Variants in STRN4 observed in about 807,000 individuals in gnomAD.
The protein encoded by STRN4 is striatin-4.
A neutral mutation model predicts 77.9 loss-of-function variants in STRN4; 27 were observed. The ratio of observed to expected loss-of-function variants is 0.35; its 90% CI spans 0.26 to 0.48. STRN4 has a LOEUF of 0.48. Among genes scored for constraint, STRN4 ranks in the 20% least tolerant of loss-of-function variants. STRN4 has a pLI of 0.99. For synonymous variants in STRN4, 466 were observed against 443.1 expected, an observed-to-expected ratio of 1.05 and a Z score of -0.65; for missense variants, 798 against 1,049.7, an observed-to-expected ratio of 0.76 and a Z score of 3.31.
chr19:46,735,856 A>C (rs941771545), intron 4 of STRN4, among the ~76,000 whole-genome samples: 2 of 151,062 alleles, frequency 1.3e-5, no homozygotes, highest in Non-Finnish European at 3.0e-5. Context: ...CCCAGCTACT[A>C]GGGAGGCTGA....
intron 3 of STRN4, among the ~76,000 whole-genome samples, chr19:46,737,138 T>C (rs2054383137): frequency 6.6e-6 from 1 of 152,132 alleles, no homozygotes; most frequent in Admixed American, 6.5e-5. Context: ...CCCGACAAGA[T>C]AAGGGTGTTA....
rs2053939046 is a variant in STRN4, at chr19:46,719,980, C to G, written c.*425G>C. 1 of 152,242 alleles carries G rather than the reference C, an allele frequency of 6.6e-6. No individual in the cohort carries two copies. The highest frequency in any genetic ancestry group is 1.5e-5 in the Non-Finnish European group (1 of 68,090). 9.4% of individuals were successfully genotyped at this position (152,242 alleles called of 1,614,324 possible). ...CTGAGGCTCCCGGCTGCCACCCTTT[C>G]TCCCAGCACAGCTCCTGCCCAGGTC... On this transcript the variant is annotated 3_prime_UTR_variant, in exon 18 of 18. Coordinates refer to ENST00000263280, the MANE Select transcript of STRN4 (RefSeq NM_013403.3).
In STRN4 at chr19:46,723,030, A is replaced by T; in HGVS notation, c.1766-80T>A. 1 of 1,593,902 alleles carries T rather than the reference A, an allele frequency of 6.3e-7. No individual in the cohort carries two copies. The highest frequency in any genetic ancestry group is 1.7e-4 in the Middle Eastern group (1 of 6,014). Reference sequence around the variant, plus strand: ...CCCAGGGTGGGGGACAGTGGGTGGGAGGCCTGGGGCCTCAGCAGGAACCAC... The same window carrying T: ...CCCAGGGTGGGGGACAGTGGGTGGGTGGCCTGGGGCCTCAGCAGGAACCAC... On this transcript the variant is annotated intron_variant, in intron 13 of 17. Coordinates refer to ENST00000263280, the MANE Select transcript of STRN4 (RefSeq NM_013403.3). This position sits in a 1 kb window ranked among gnomAD's most constrained non-coding sequence, Gnocchi z 5.5.
intron 1 of STRN4, among the ~76,000 whole-genome samples, chr19:46,740,563 C>T (rs2054455675): frequency 6.6e-6 from 1 of 152,016 alleles, no homozygotes. Flanking sequence ...GAAGACAAGT[C>T]CTGACTTTCC....
intron 11 of STRN4, 82 bp downstream of exon 11, chr19:46,725,250 C>T: frequency 6.3e-7 from 1 of 1,592,948 alleles, no homozygotes. Context: ...CTGCCGTGGG[C>T]CTCCCGCGAT....
chr19:46,729,585 T>C (rs2054883232), intron 6 of STRN4, among the ~76,000 whole-genome samples: 1 of 152,180 alleles, frequency 6.6e-6, no homozygotes, highest in African/African-American at 2.4e-5. Flanking sequence ...TTAGACAGCA[T>C]GCCCAGAAAG....
rs753988567 is a variant in STRN4, at chr19:46,722,230, G to C, written c.2005+12C>G. 6.2e-7 allele frequency: 1 copy of C among 1,613,872 alleles called. No homozygotes were observed. Among genetic ancestry groups the C allele is most frequent in the Non-Finnish European group, 8.5e-7 (1 of 1,179,808 alleles). ...TCCCCACCCACTACGAGCACAAGGG[G>C]CTAGGCCTCACCTGTCCGATTGTCC... On this transcript the variant is annotated intron_variant, in intron 15 of 17. Transcript: ENST00000263280.
At chr19:46,721,004 G>A in intron 16 of STRN4, 1 of 417,896 alleles carries the variant, frequency 2.4e-6, no homozygotes, top group Non-Finnish European at 4.1e-6. Flanking sequence ...TGCACACTGA[G>A]CCCCAGGGCG....
At chr19:46,731,062 C>T in intron 5 of STRN4, 189 bp from the exon 6 acceptor site, 1 of 789,002 alleles carries the variant, frequency 1.3e-6, no homozygotes. Flanking sequence ...CTCATTCCAA[C>T]TGGAAGCCTC....
At position 46,722,086 on chromosome 19, in the gene STRN4, G is replaced by A; in HGVS notation, c.2006-14C>T. 1 of 1,612,194 alleles carries A rather than the reference G, an allele frequency of 6.2e-7. No homozygotes were observed. Among genetic ancestry groups the A allele is most frequent in the Non-Finnish European group, 8.5e-7 (1 of 1,179,976 alleles). On this transcript the variant is annotated splice_polypyrimidine_tract_variant and intron_variant, in intron 15 of 17. Transcript: ENST00000263280. ...GCACCGGCTTACCTGAGGCGAGAAG[G>A]GCGGGTGGCAGGTTCCCCTCCCACT...
At chr19:46,727,591 G>C (rs1351202954) in intron 8 of STRN4, 45 bp from the exon 9 acceptor site, 1 of 1,502,744 alleles carries the variant, frequency 6.7e-7, no homozygotes, top group South Asian at 1.1e-5. Flanking sequence ...GGGAGGGAGG[G>C]GCAGAGAGGG....
chr19:46,729,612 G>A (rs1013149452), intron 6 of STRN4, among the ~76,000 whole-genome samples: 29 of 152,184 alleles, frequency 1.9e-4, no homozygotes, highest in African/African-American at 6.8e-4. Context: ...GCCGGGCTCA[G>A]GACTCCAGAG....
Position 46,738,166 on chromosome 19 carries a change from T to C in STRN4, c.458A>G (p.Gln153Arg). 6.2e-7 allele frequency: 1 copy of C among 1,614,148 alleles called. No homozygotes were observed. The highest frequency in any genetic ancestry group is 8.5e-7 in the Non-Finnish European group (1 of 1,179,980). Reference sequence around the variant, plus strand: ...TGCGAGCATCAGAGGGTGGGTACCTTGTTCTGACACATCTGCTTTCTTCTC... The same window carrying C: ...TGCGAGCATCAGAGGGTGGGTACCTCGTTCTGACACATCTGCTTTCTTCTC... ...QGEKKADVSE[Q>R]VSNGPVESVT... Residue 153 changes from glutamine (Q) to arginine (R), a missense_variant and splice_region_variant, in exon 3 of 18, where the codon CAA becomes CGA. Gln to Arg is a conservative substitution (Grantham distance 43, BLOSUM62 1). Transcript: ENST00000263280. This position sits in a 1 kb window ranked among gnomAD's most constrained non-coding sequence, Gnocchi z 4.5.
chr19:46,738,975 G>A lies in STRN4; in HGVS notation c.283-87C>T, dbSNP rs2054424658. 2 of 1,129,612 alleles carry A rather than the reference G, an allele frequency of 1.8e-6. No individual in the cohort carries two copies. Among genetic ancestry groups the A allele is most frequent in the Non-Finnish European group, 2.6e-6 (2 of 756,808 alleles). 70.0% of individuals were successfully genotyped at this position (1,129,612 alleles called of 1,614,324 possible). A position where few individuals can be genotyped will look rare whatever the true frequency, so the allele number is the denominator to read the frequency against. ...TATCACTCACCCAGGTATAGTGCCA[G>A]CCCACAGTCACCCCACAGTAATGGG... On this transcript the variant is annotated intron_variant, in intron 1 of 17. Transcript: ENST00000263280. This position sits in a 1 kb window ranked among gnomAD's most constrained non-coding sequence, Gnocchi z 4.5.
intron 14 of STRN4, 143 bp from the exon 15 acceptor site, chr19:46,722,483 C>T (rs2054001755): frequency 2.3e-6 from 2 of 888,040 alleles, no homozygotes; most frequent in Non-Finnish European, 1.8e-6. Context: ...CTCCGGTCCC[C>T]GACCGCAGCG....
At chr19:46,742,342 G>A (rs563350737) in intron 1 of STRN4, among the ~76,000 whole-genome samples, 1 of 152,150 alleles carries the variant, frequency 6.6e-6, no homozygotes, top group Non-Finnish European at 1.5e-5. Flanking sequence ...GGGTCGCACG[G>A]CAGGTCTTCT....
Position 46,728,780 on chromosome 19 carries a change from G to C in STRN4, c.880-3C>G. On this transcript the variant is annotated splice_region_variant and splice_polypyrimidine_tract_variant and intron_variant, in intron 6 of 17. Coordinates refer to ENST00000263280, the MANE Select transcript of STRN4 (RefSeq NM_013403.3). ...GGCACCAGAGCCTTGGATGGGAGCT[G>C]GCACATGGAGAAAGCCAGACAAGTC... The C allele has an allele frequency of 1.9e-6, 3 of 1,613,956 alleles. No homozygotes were observed. The highest frequency in any genetic ancestry group is 2.5e-6 in the Non-Finnish European group (3 of 1,179,860).
chr19:46,728,337 C>T (rs2054169936), intron 7 of STRN4: 1 of 586,910 alleles, frequency 1.7e-6, no homozygotes, highest in Non-Finnish European at 3.0e-6. Context: ...CTGTTCCCTC[C>T]TTGAGGCCAG....
rs899980009 is a variant in STRN4, at chr19:46,719,700, G to C, written c.*705C>G. ...TGAGACCATCACACAGTGATAATGC[G>C]GGTGGGGCGGCGCCATGAAAATCCC... is the stretch of plus-strand genomic sequence containing the variant. On this transcript the variant is annotated 3_prime_UTR_variant, in exon 18 of 18. Transcript: ENST00000263280. 6.6e-6 allele frequency: 1 copy of C among 152,580 alleles called. No individual in the cohort carries two copies. The highest frequency in any genetic ancestry group is 1.5e-5 in the Non-Finnish European group (1 of 68,068). The allele number at this position is 152,580 out of a possible 1,614,324, so 9.5% of individuals were successfully genotyped here.
Sources: allele counts gnomAD v4.1 joint callset (sites outside exome capture counted in the v4.1 genomes callset), GRCh38; gene constraint gnomAD v4.1.1; non-coding constraint Gnocchi (gnomAD v3.1); transcripts MANE v1.5; gene names NCBI Gene and HGNC (gene_info 2026-07-23, HGNC 2026-07-21).